Variants in KCNQ5 observed in about 807,000 individuals in gnomAD.
The protein encoded by KCNQ5 is potassium voltage-gated channel subfamily Q member 5.
In KCNQ5, 30 loss-of-function variants were observed where a neutral mutation model predicts 98.2. That is an observed-to-expected ratio of 0.31 (90% CI 0.23 to 0.41). The LOEUF (loss-of-function observed/expected upper bound fraction) is 0.41, where lower values mean the gene tolerates loss of function less well. Ranked by LOEUF, KCNQ5 falls within the 10% of genes least tolerant of loss-of-function variation. The pLI, the probability that KCNQ5 is intolerant of heterozygous loss-of-function variation, is 1.00. For missense variants in KCNQ5, 835 were observed against 1,182.5 expected (o/e 0.71, Z 4.31); for synonymous variants, 458 against 449.4 (o/e 1.02, Z -0.24).
In KCNQ5 at chr6:72,622,676, C is replaced by T. The variant is rs1236255824; in HGVS notation, c.398+89C>T. On this transcript the variant is annotated intron_variant, in intron 1 of 13. Coordinates refer to ENST00000370398, the MANE Select transcript of KCNQ5 (RefSeq NM_019842.4). The surrounding 1 kb of genome is among the most constrained non-coding windows in gnomAD (Gnocchi z 6.0). The stretch of plus-strand genomic sequence containing the variant: ...GTGCTCCGCGCTCGCGCCCTTGGGC[C>T]CCCGCGCGCGTGCACACGTGGTGGC... 7.5e-6 allele frequency: 11 copies of T among 1,462,710 alleles called. No homozygotes were observed. In the Admixed American group the frequency reaches 8.4e-5, roughly 11 times the overall value. 90.6% of individuals were successfully genotyped at this position (1,462,710 alleles called of 1,614,324 possible). A position where few individuals can be genotyped will look rare whatever the true frequency, so the allele number is the denominator to read the frequency against.
chr6:72,838,761 T>C (rs1021273925), intron 1 of KCNQ5, among the ~76,000 whole-genome samples: 2 of 151,472 alleles, frequency 1.3e-5, no homozygotes, highest in Admixed American at 6.6e-5. Context: ...CCATCCTGGC[T>C]AACACGGTGA....
intron 3 of KCNQ5, 131 bp downstream of exon 3, chr6:73,042,193 G>A (rs1771743692): frequency 9.5e-7 from 1 of 1,049,850 alleles, no homozygotes; most frequent in Non-Finnish European, 1.5e-6. Flanking sequence ...GGGCACTCTT[G>A]TGTCTTGAAA....
At chr6:72,643,950 G>A (rs1393240037) in intron 1 of KCNQ5, among the ~76,000 whole-genome samples, 1 of 151,768 alleles carries the variant, frequency 6.6e-6, no homozygotes, top group East Asian at 1.9e-4. Flanking sequence ...CTGTCCAAGG[G>A]AATACTGCAT....
At chr6:72,832,965 C>T (rs767969092) in intron 1 of KCNQ5, among the ~76,000 whole-genome samples, 2 of 152,176 alleles carry the variant, frequency 1.3e-5, no homozygotes, top group Non-Finnish European at 2.9e-5. Context: ...TTCTTTCCTG[C>T]TTGCCATGGA....
At chr6:72,924,183 C>G (rs1194853522) in intron 1 of KCNQ5, among the ~76,000 whole-genome samples, 1 of 149,742 alleles carries the variant, frequency 6.7e-6, no homozygotes, top group Admixed American at 6.6e-5. Flanking sequence ...AACATGCTCA[C>G]TTGAGATCTA....
chr6:73,125,580 T>C, intron 9 of KCNQ5: 1 of 267,218 alleles, frequency 3.7e-6, no homozygotes, highest in Non-Finnish European at 7.3e-6. Context: ...CTTAGTACTA[T>C]TATAATAATT....
intron 5 of KCNQ5, among the ~76,000 whole-genome samples, chr6:73,088,553 GTA>G: frequency 6.6e-6 from 1 of 151,956 alleles, no homozygotes; most frequent in Middle Eastern, 3.4e-3. Flanking sequence ...TGTACCTTTT[GTA>G]ATCTCAGTTA....
chr6:72,729,548 C>A (rs1439127644), intron 1 of KCNQ5, among the ~76,000 whole-genome samples: 1 of 152,122 alleles, frequency 6.6e-6, no homozygotes, highest in Admixed American at 6.5e-5. Flanking sequence ...GGATTACAGG[C>A]GTGAGCCACC....
intron 1 of KCNQ5, among the ~76,000 whole-genome samples, chr6:72,830,396 A>G (rs999312740): frequency 1.3e-5 from 2 of 152,204 alleles, no homozygotes; most frequent in African/African-American, 4.8e-5. Context: ...ATATAGACCA[A>G]TGGAACAGAA....
At chr6:72,648,805 T>G (rs1765734211) in intron 1 of KCNQ5, among the ~76,000 whole-genome samples, 1 of 151,452 alleles carries the variant, frequency 6.6e-6, no homozygotes, top group African/African-American at 2.4e-5. Flanking sequence ...CTCAGAGGTC[T>G]TCTGTTTGAA....
intron 7 of KCNQ5, among the ~76,000 whole-genome samples, chr6:73,115,594 C>T (rs1775457477): frequency 6.6e-6 from 1 of 152,074 alleles, no homozygotes; most frequent in African/African-American, 2.4e-5. Context: ...CATTAGTAAT[C>T]CAAAAATTAG....
At chr6:72,985,836 T>C (rs1478009943) in intron 1 of KCNQ5, among the ~76,000 whole-genome samples, 2 of 152,168 alleles carry the variant, frequency 1.3e-5, no homozygotes, top group African/African-American at 4.8e-5. Flanking sequence ...AATAGATCAT[T>C]ACACCAAAAA....
chr6:72,833,691 A>G (rs115357127), intron 1 of KCNQ5, among the ~76,000 whole-genome samples: 2,836 of 152,212 alleles, frequency 0.019, 88 homozygotes, highest in African/African-American at 0.064. Flanking sequence ...AAATGTTTTC[A>G]CTGGAATTAA....
At chr6:73,157,431 G>C in intron 10 of KCNQ5, 1 of 651,496 alleles carries the variant, frequency 1.5e-6, no homozygotes. Flanking sequence ...GGCCGCCCGG[G>C]GGCGGGGGCG....
intron 1 of KCNQ5, among the ~76,000 whole-genome samples, chr6:72,979,098 T>C (rs1651203211): frequency 6.6e-6 from 1 of 152,250 alleles, no homozygotes; most frequent in African/African-American, 2.4e-5. Context: ...TTGGGTTGGT[T>C]CCAAGTCTTT....
chr6:72,950,009 C>G (rs1209467268), intron 1 of KCNQ5, among the ~76,000 whole-genome samples: 1 of 151,976 alleles, frequency 6.6e-6, no homozygotes. Context: ...CTACCCTTTT[C>G]AAATTTCCAA....
chr6:72,912,657 C>T (rs979955086), intron 1 of KCNQ5, among the ~76,000 whole-genome samples: 2 of 152,150 alleles, frequency 1.3e-5, no homozygotes, highest in Non-Finnish European at 2.9e-5. Flanking sequence ...TGATGAGTTT[C>T]ATTTGATTAT....
intron 2 of KCNQ5, among the ~76,000 whole-genome samples, chr6:73,035,993 G>C (rs1175880102): frequency 8.4e-6 from 1 of 119,524 alleles, no homozygotes; most frequent in East Asian, 2.2e-4. Flanking sequence ...ATTTGTGTGT[G>C]TGTGTGTGTG....
chr6:72,749,932 CAAT>C (rs1428871861), intron 1 of KCNQ5, among the ~76,000 whole-genome samples: 6 of 151,888 alleles, frequency 4.0e-5, no homozygotes, highest in Non-Finnish European at 7.4e-5. Context: ...ACAATGACAA[CAAT>C]GTCAAAAAGA....
Sources: allele counts gnomAD v4.1 joint callset (sites outside exome capture counted in the v4.1 genomes callset), GRCh38; gene constraint gnomAD v4.1.1; non-coding constraint Gnocchi (gnomAD v3.1); transcripts MANE v1.5; gene names NCBI Gene and HGNC (gene_info 2026-07-23, HGNC 2026-07-21).